Variants in RFT1 observed in about 807,000 individuals in gnomAD.
The protein encoded by RFT1 is RFT1 glycolipid translocator homolog, also known as man(5)GlcNAc(2)-PP-dolichol translocation protein RFT1.
Under a neutral mutation model 62.2 loss-of-function variants are expected in RFT1, and 43 were observed. The ratio of observed to expected loss-of-function variants is 0.69; its 90% CI spans 0.54 to 0.89. The LOEUF (loss-of-function observed/expected upper bound fraction) is 0.89. Ranked by LOEUF, RFT1 falls within the 40% of genes least tolerant of loss-of-function variation. The pLI, the probability that RFT1 is intolerant of heterozygous loss-of-function variation, is 0.00. For missense variants in RFT1, 605 were observed against 649.9 expected, an observed-to-expected ratio of 0.93 and a Z score of 0.75; for synonymous variants, 262 against 264.6, an observed-to-expected ratio of 0.99 and a Z score of 0.10.
At chr3:53,113,191 AT>A (rs1307899482) in intron 6 of RFT1, among the ~76,000 whole-genome samples, 2 of 151,654 alleles carry the variant, frequency 1.3e-5, no homozygotes, top group African/African-American at 2.4e-5. Flanking sequence ...CATTTTTAAA[AT>A]TTTTGTAGAG....
At chr3:53,106,413 C>A (rs1701476306) in intron 8 of RFT1, among the ~76,000 whole-genome samples, 1 of 152,130 alleles carries the variant, frequency 6.6e-6, no homozygotes, top group Admixed American at 6.5e-5. Flanking sequence ...TTATACAGGT[C>A]ATTAATGCAA....
At chr3:53,118,359 C>G (rs1195622375) in intron 6 of RFT1, among the ~76,000 whole-genome samples, 1 of 152,120 alleles carries the variant, frequency 6.6e-6, no homozygotes, top group Non-Finnish European at 1.5e-5. Flanking sequence ...ATCCTGAGTC[C>G]TAACCATCTA....
chr3:53,092,307 T>C (rs1239932458), intron 12 of RFT1, 62 bp downstream of exon 12: 10 of 1,565,976 alleles, frequency 6.4e-6, no homozygotes, highest in African/African-American at 5.4e-5. Flanking sequence ...AGAGGAGGCC[T>C]AGCGGGAGAG....
intron 6 of RFT1, among the ~76,000 whole-genome samples, chr3:53,116,592 C>T (rs1157788193): frequency 6.6e-6 from 1 of 151,558 alleles, no homozygotes; most frequent in African/African-American, 2.4e-5. Flanking sequence ...CCACACCCAG[C>T]CTCTTTTTTT....
At chr3:53,087,224 G>GA (rs1335088466), downstream of RFT1, among the ~76,000 whole-genome samples, 1 of 152,140 alleles carries the variant, frequency 6.6e-6, no homozygotes, top group Non-Finnish European at 1.5e-5. Context: ...GCAACAGAAC[G>GA]AGACTCTCTC....
intron 11 of RFT1, among the ~76,000 whole-genome samples, chr3:53,097,266 T>C (rs1701170389): frequency 6.6e-6 from 1 of 151,540 alleles, no homozygotes; most frequent in East Asian, 1.9e-4. Context: ...CCAACGTCTG[T>C]GATGAGCCCA....
intron 11 of RFT1, among the ~76,000 whole-genome samples, chr3:53,094,876 C>G (rs1198412215): frequency 6.6e-6 from 1 of 152,004 alleles, no homozygotes; most frequent in Non-Finnish European, 1.5e-5. Context: ...TAGAAGAGGG[C>G]CCTGCAGCTG....
At chr3:53,087,677 G>A (rs139238726), downstream of RFT1, among the ~76,000 whole-genome samples, 682 of 152,078 alleles carry the variant, frequency 4.5e-3, 7 homozygotes, top group African/African-American at 0.016. Context: ...GTGCCACCAC[G>A]CCCAGCTAGT....
At chr3:53,070,393 GTTTTTT>G in the RFT1 span, among the ~76,000 whole-genome samples, 8 of 85,464 alleles carry the variant, frequency 9.4e-5, no homozygotes, top group Non-Finnish European at 1.6e-4. Flanking sequence ...CTGTATTATG[GTTTTTT>G]TTTTTTTTTT....
At chr3:53,113,699 A>AT (rs372830320) in intron 6 of RFT1, among the ~76,000 whole-genome samples, 18 of 152,212 alleles carry the variant, frequency 1.2e-4, no homozygotes, top group East Asian at 7.7e-4. Flanking sequence ...TGTAAAAAAT[A>AT]TTTTTTTTCA....
intron 11 of RFT1, among the ~76,000 whole-genome samples, chr3:53,098,540 T>G (rs56332721): frequency 1.6e-4 from 24 of 151,944 alleles, no homozygotes; most frequent in Admixed American, 1.3e-3. Flanking sequence ...CGGTGGCTCA[T>G]GCCTGTAATC....
intron 2 of RFT1, among the ~76,000 whole-genome samples, chr3:53,124,886 C>T (rs1248069837): frequency 1.3e-5 from 2 of 152,070 alleles, no homozygotes; most frequent in East Asian, 1.9e-4. Flanking sequence ...ACGGGAGCAT[C>T]GCTTGAGCCC....
At chr3:53,130,251 C>T in intron 1 of RFT1, 87 bp downstream of exon 1, 1 of 1,377,282 alleles carries the variant, frequency 7.3e-7, no homozygotes, top group Non-Finnish European at 1.0e-6. Context: ...CTGGGTCGGC[C>T]CTGGGGCAGG....
chr3:53,071,260 C>T, the RFT1 span, among the ~76,000 whole-genome samples: 1 of 152,092 alleles, frequency 6.6e-6, no homozygotes, highest in Non-Finnish European at 1.5e-5. Flanking sequence ...AAGCTGTTGG[C>T]AAAGGGTGGT....
At chr3:53,101,874 C>T (rs1195778026) in intron 10 of RFT1, among the ~76,000 whole-genome samples, 1 of 152,040 alleles carries the variant, frequency 6.6e-6, no homozygotes, top group East Asian at 1.9e-4. Context: ...CCCGTCTCTA[C>T]TAAATATACA....
At chr3:53,118,642 C>T (rs567755712) in intron 6 of RFT1, among the ~76,000 whole-genome samples, 10 of 152,036 alleles carry the variant, frequency 6.6e-5, no homozygotes, top group Non-Finnish European at 1.0e-4. Context: ...GCATTACATC[C>T]GGCAAGCAAA....
chr3:53,115,084 CTGTCCTTACTCCT>C (rs1701755077), intron 6 of RFT1, among the ~76,000 whole-genome samples: 1 of 152,160 alleles, frequency 6.6e-6, no homozygotes, highest in Non-Finnish European at 1.5e-5. Context: ...CATCCTCCCC[CTGTCCTTACTCCT>C]CACCTGGACA....
intron 11 of RFT1, among the ~76,000 whole-genome samples, chr3:53,097,206 G>A (rs1002241880): frequency 6.6e-6 from 1 of 151,878 alleles, no homozygotes; most frequent in Admixed American, 6.6e-5. Context: ...AAAAATCCTT[G>A]CTAGAGTTTT....
intron 7 of RFT1, among the ~76,000 whole-genome samples, chr3:53,108,370 T>G (rs1701549533): frequency 6.7e-6 from 1 of 148,928 alleles, no homozygotes; most frequent in African/African-American, 2.5e-5. Flanking sequence ...AGCTCTTAAA[T>G]CAGTCTCTGC....
Sources: gnomAD v4.1 joint callset for allele counts (sites outside exome capture counted in the v4.1 genomes callset) on GRCh38, gnomAD v4.1.1 for gene constraint, MANE v1.5 for transcripts, NCBI Gene and HGNC (gene_info 2026-07-23, HGNC 2026-07-21) for gene names.